SERHL2: variants seen among roughly 807,000 people sequenced by gnomAD.
SERHL2 encodes the protein serine hydrolase-like protein 2.
A neutral mutation model predicts 25.5 loss-of-function variants in SERHL2; 29 were observed. The ratio of observed to expected loss-of-function variants is 1.14; its 90% confidence interval spans 0.85 to 1.55. The LOEUF (loss-of-function observed/expected upper bound fraction) is 1.55, where lower values mean the gene tolerates loss of function less well. Ranked by LOEUF, SERHL2 falls within the 40% of genes most tolerant of loss-of-function variation. SERHL2 has a pLI of 0.00. For missense variants in SERHL2, 240 were observed against 252.3 expected, an observed-to-expected ratio of 0.95 and a Z score of 0.33; for synonymous variants, 95 against 103.5, an observed-to-expected ratio of 0.92 and a Z score of 0.50.
chr22:42,566,205 C>A (rs1569279820), intron 8 of SERHL2, 99 bp from the exon 9 acceptor site: 1 of 1,227,128 alleles, frequency 8.1e-7, no homozygotes, highest in Non-Finnish European at 1.2e-6. Context: ...GAAATGGGCC[C>A]TGGCTGCAAA....
In SERHL2 at chr22:42,574,026, T is replaced by G. The variant is rs137055; in HGVS notation, c.916T>G (p.Cys306Gly). 1.2e-6 allele frequency: 2 copies of G among 1,611,354 alleles called. No individual in the cohort carries two copies. Among genetic ancestry groups the G allele is most frequent in the Non-Finnish European group, 1.7e-6 (2 of 1,178,794 alleles). Residue 306 changes from cysteine to glycine, a missense_variant, in exon 12 of 12, where the codon TGC becomes GGC. Coordinates refer to ENST00000327678, the MANE Select transcript of SERHL2 (RefSeq NM_014509.5). ...VASIISSFLQ[C>G]THMLPAQL ...CAGTATCATCAGCTCCTTCTTACAG[T>G]GCACACACATGCTCCCAGCCCAGCT...
intron 11 of SERHL2, among the ~76,000 whole-genome samples, chr22:42,573,015 C>A (rs1924455059): frequency 6.6e-6 from 1 of 151,818 alleles, no homozygotes; most frequent in Admixed American, 6.6e-5. Context: ...GAATACCCGA[C>A]TGCCTCATCC....
In SERHL2 at chr22:42,573,964, A is replaced by C. The variant is rs149602927; in HGVS notation, c.854A>C (p.Asn285Thr). Residue 285 changes from asparagine to threonine, a missense_variant, in exon 12 of 12, where the codon AAT becomes ACT. Physicochemically the swap from Asn to Thr is moderately conservative, Grantham distance 65. This residue lies in a region of SERHL2 where 212 missense variants were observed against 168.9 expected (regional missense o/e 1.25). Coordinates refer to ENST00000327678, the MANE Select transcript of SERHL2 (RefSeq NM_014509.5). ...TTCCAGTTTGTGGAAGTCCCAGGCA[A>C]TCACTGTGTCCACATGAGCGAACCC... is the stretch of plus-strand genomic sequence containing the variant. ...EQFQFVEVPG[N>T]HCVHMSEPQH... is the part of the protein sequence containing the mutation. The C allele has an allele frequency of 2.5e-6, 4 of 1,610,022 alleles. No individual in the cohort carries two copies. The highest frequency in any genetic ancestry group is 2.5e-6 in the Non-Finnish European group (3 of 1,176,990).
At position 42,571,205 on chromosome 22, in the gene SERHL2, T is replaced by G; in HGVS notation, c.731+2T>G. On this transcript the variant is annotated splice_donor_variant, in intron 10 of 11. Coordinates refer to ENST00000327678, the MANE Select transcript of SERHL2 (RefSeq NM_014509.5). LOFTEE classifies it high-confidence loss of function. Reference sequence around the variant, plus strand: ...GCAGGCCCATGTCCTGTTGATCAAGTAAGTCTGGACCCATCCCCTTCAGCC... The same window carrying G: ...GCAGGCCCATGTCCTGTTGATCAAGGAAGTCTGGACCCATCCCCTTCAGCC... 3 of 1,603,628 alleles carry G rather than the reference T, an allele frequency of 1.9e-6. No homozygotes were observed. Among genetic ancestry groups the G allele is most frequent in the Non-Finnish European group, 1.7e-6 (2 of 1,172,108 alleles).
chr22:42,562,032 G>A (rs1205464841), intron 8 of SERHL2, among the ~76,000 whole-genome samples: 2 of 151,818 alleles, frequency 1.3e-5, no homozygotes, highest in Admixed American at 6.6e-5. Context: ...GGGGGTGAGG[G>A]AACAGGCAAG....
At chr22:42,572,659 T>TATCA (rs1421882492) in intron 11 of SERHL2, 130 bp downstream of exon 11, 64 of 1,436,884 alleles carry the variant, frequency 4.5e-5, no homozygotes, top group Non-Finnish European at 5.6e-5. Context: ...CACCAGGATC[T>TATCA]ATCAGGCCTC....
chr22:42,569,967 C>T (rs1199214335), intron 9 of SERHL2: 2 of 151,978 alleles, frequency 1.3e-5, no homozygotes, highest in East Asian at 3.9e-4. Context: ...TTAATCCACT[C>T]AGCTGCATTT....
At chr22:42,560,110 C>A (rs574326292) in intron 7 of SERHL2, 76 bp from the exon 8 acceptor site, 14 of 1,091,116 alleles carry the variant, frequency 1.3e-5, no homozygotes, top group Non-Finnish European at 1.8e-5. Context: ...CCGTCCCCCC[C>A]GGCCCTCCTC....
chr22:42,562,403 A>G (rs1425507164), intron 8 of SERHL2, among the ~76,000 whole-genome samples: 2 of 151,836 alleles, frequency 1.3e-5, no homozygotes, highest in Non-Finnish European at 2.9e-5. Context: ...AGGCCTCGGC[A>G]GGGCTGGTTC....
intron 8 of SERHL2, among the ~76,000 whole-genome samples, chr22:42,563,180 T>C (rs1341826564): frequency 3.9e-5 from 5 of 129,360 alleles, no homozygotes; most frequent in African/African-American, 1.5e-4. Flanking sequence ...CCCTGGCTTT[T>C]TCTTTTTTTC....
intron 9 of SERHL2, 57 bp downstream of exon 9, chr22:42,566,395 G>GT (rs1022696885): frequency 4.4e-6 from 7 of 1,581,822 alleles, no homozygotes; most frequent in Non-Finnish European, 6.1e-6. Context: ...CGTCTTTGTC[G>GT]TTTTTGAAAA....
chr22:42,554,043 G>T lies in SERHL2; in HGVS notation c.22+1G>T. ...GCGATGAGTGAGAACGCCGCACCAG[G>T]TCTGACGGGGAGGCCTTGTGCGAGC... On this transcript the variant is annotated splice_donor_variant, in intron 1 of 11. Transcript: ENST00000327678. LOFTEE classifies it high-confidence loss of function. 1 of 1,613,582 alleles carries T rather than the reference G, an allele frequency of 6.2e-7. No homozygotes were observed.
At chr22:42,566,230 C>T in intron 8 of SERHL2, 74 bp from the exon 9 acceptor site, 1 of 1,493,704 alleles carries the variant, frequency 6.7e-7, no homozygotes, top group Non-Finnish European at 9.3e-7. Context: ...TGGAGGGTTC[C>T]AGCAAAGTCA....
chr22:42,563,871 C>G (rs371226984), intron 8 of SERHL2, among the ~76,000 whole-genome samples: 33 of 151,686 alleles, frequency 2.2e-4, no homozygotes, highest in African/African-American at 8.0e-4. Flanking sequence ...GTTGGGAGTT[C>G]GAGACCACCC....
rs762695686 is a variant in SERHL2, at chr22:42,574,341, G to T, written c.*286G>T. 8.3e-4 allele frequency: 434 copies of T among 520,776 alleles called. 4 individuals are homozygous for T. The highest frequency in any genetic ancestry group is 1.3e-3 in the Non-Finnish European group (374 of 292,454). 32.3% of individuals were successfully genotyped at this position (520,776 alleles called of 1,614,324 possible). Reference sequence around the variant, plus strand: ...GGCTGGGCCCACCTAGCCTTTCCCTGCTGCCCAACTGGATGGAAAATAAAA... The same window carrying T: ...GGCTGGGCCCACCTAGCCTTTCCCTTCTGCCCAACTGGATGGAAAATAAAA... On this transcript the variant is annotated 3_prime_UTR_variant, in exon 12 of 12. Transcript: ENST00000327678.
intron 7 of SERHL2, among the ~76,000 whole-genome samples, chr22:42,559,807 GT>G (rs1569274696): frequency 6.8e-6 from 1 of 147,710 alleles, no homozygotes; most frequent in African/African-American, 2.7e-5. Flanking sequence ...CCATTTTTTT[GT>G]TGTTGTTGTG....
chr22:42,566,186 C>G (rs1923352379), intron 8 of SERHL2, 118 bp from the exon 9 acceptor site: 1 of 971,690 alleles, frequency 1.0e-6, no homozygotes, highest in South Asian at 1.4e-5. Context: ...ACGTCGGGGG[C>G]AGGTGGGAGA....
chr22:42,563,821 C>G (rs954843637), intron 8 of SERHL2, among the ~76,000 whole-genome samples: 4 of 151,894 alleles, frequency 2.6e-5, no homozygotes, highest in Non-Finnish European at 5.9e-5. Context: ...TGCCTGTAAT[C>G]CCAGCGCTTT....
rs144706078 is a variant in SERHL2 at position 42,572,646 on chromosome 22, G to A, written c.825+117G>A. The A allele has an allele frequency of 4.1e-3, 6,046 of 1,460,402 alleles. 206 individuals carry two copies. The African/African-American group carries it at 0.075, about 18-fold the overall frequency. The allele number at this position is 1,460,402 out of a possible 1,614,324, so 90.5% of individuals were successfully genotyped here. A position where few individuals can be genotyped will look rare whatever the true frequency, so the allele number is the denominator to read the frequency against. ...GGGTCTGCCCCCAGGCCCAACAAGT[G>A]ACCACCAGGATCTATCAGGCCTCAT... On this transcript the variant is annotated intron_variant, in intron 11 of 11. Transcript: ENST00000327678.
Sources: gnomAD v4.1 joint callset for allele counts (sites outside exome capture counted in the v4.1 genomes callset) on GRCh38, gnomAD v4.1.1 for gene constraint, gnomAD v4.1.1 regional missense constraint, MANE v1.5 for transcripts, NCBI Gene and HGNC (gene_info 2026-07-23, HGNC 2026-07-21) for gene names.